Variants in ZFP64 observed in about 807,000 individuals in gnomAD.
ZFP64 encodes ZFP64 zinc finger protein, also known as zinc finger protein 64.
Under a neutral mutation model 51.6 loss-of-function variants are expected in ZFP64, and 14 were observed. The observed-to-expected ratio is 0.27, with a 90% confidence interval of 0.18 to 0.42. The LOEUF (loss-of-function observed/expected upper bound fraction) is 0.42. ZFP64 is among the 10% of genes least tolerant of loss of function. ZFP64 has a pLI of 1.00. For synonymous variants in ZFP64, 375 were observed against 361.4 expected (o/e 1.04, Z -0.43); for missense variants, 754 against 906.8 (o/e 0.83, Z 2.16).
chr20:52,134,028 C>CAAAA (rs59218544), intron 5 of ZFP64, among the ~76,000 whole-genome samples: 1 of 97,508 alleles, frequency 1.0e-5, no homozygotes, highest in Non-Finnish European at 2.0e-5. Flanking sequence ...GATCCTGTCT[C>CAAAA]AAAAAAAAAA....
At position 52,175,113 on chromosome 20, in the gene ZFP64, A is replaced by C. The variant is rs143933109; in HGVS notation, c.287-9088T>G. On this transcript the variant is annotated intron_variant, in intron 2 of 5. Coordinates refer to ENST00000216923, the MANE Select transcript of ZFP64 (RefSeq NM_018197.3). The stretch of plus-strand genomic sequence containing the variant: ...ATGCTTTTTGCAGATTAAGGATACT[A>C]TCTTTTGTTTTGTTTTGTTTTGTTT... 2.0e-5 allele frequency among the ~76,000 whole-genome samples: 3 copies of C among 151,808 alleles called. No individual in the cohort carries two copies. The East Asian group carries it at 5.8e-4, about 29-fold the overall frequency.
intron 5 of ZFP64, among the ~76,000 whole-genome samples, chr20:52,119,584 C>CACACACACATACAT: frequency 1.4e-5 from 2 of 145,760 alleles, no homozygotes; most frequent in Admixed American, 6.9e-5. Flanking sequence ...ACAACACACA[C>CACACACACATACAT]ACACACACAC....
At chr20:52,177,282 C>G (rs573376409) in intron 2 of ZFP64, among the ~76,000 whole-genome samples, 1 of 152,298 alleles carries the variant, frequency 6.6e-6, no homozygotes, top group African/African-American at 2.4e-5. Flanking sequence ...CATTTGAGAA[C>G]TGCCACTCTA....
At chr20:52,148,573 C>T (rs1008033424), downstream of ZFP64, among the ~76,000 whole-genome samples, 6 of 152,254 alleles carry the variant, frequency 3.9e-5, no homozygotes, top group African/African-American at 7.2e-5. Context: ...TGGTGGCACA[C>T]GCCTGTGATC....
chr20:52,096,494 G>A (rs2078989853), intron 7 of ZFP64, among the ~76,000 whole-genome samples: 1 of 152,370 alleles, frequency 6.6e-6, no homozygotes, highest in Admixed American at 6.5e-5. Flanking sequence ...CACTGAGACT[G>A]GTTTCTGAAA....
intron 5 of ZFP64, chr20:52,117,544 A>G (rs1465073579): frequency 2.4e-6 from 1 of 416,522 alleles, no homozygotes; most frequent in African/African-American, 2.1e-5. Flanking sequence ...ACTTGAACCC[A>G]GGAGGTGGAG....
chr20:52,162,411 G>A (rs1207445972), intron 4 of ZFP64, among the ~76,000 whole-genome samples: 1 of 151,904 alleles, frequency 6.6e-6, no homozygotes, highest in Non-Finnish European at 1.5e-5. Context: ...CGGATCATGA[G>A]GTCAGGAGAT....
At chr20:52,120,355 TG>T (rs1979119727) in intron 5 of ZFP64, among the ~76,000 whole-genome samples, 1 of 152,136 alleles carries the variant, frequency 6.6e-6, no homozygotes, top group East Asian at 1.9e-4. Context: ...AGGCCTGGTT[TG>T]GGAAGGTGCC....
At chr20:52,110,467 C>T in intron 5 of ZFP64, 1 of 667,528 alleles carries the variant, frequency 1.5e-6, no homozygotes, top group South Asian at 2.0e-5. Context: ...TCCATGTCAT[C>T]TCTATGCTGG....
At chr20:52,150,623 T>G (rs547688093), downstream of ZFP64, among the ~76,000 whole-genome samples, 3 of 152,158 alleles carry the variant, frequency 2.0e-5, no homozygotes, top group Non-Finnish European at 4.4e-5. Context: ...ATATAGCAAG[T>G]CATCAAAATT....
chr20:52,132,789 A>G (rs1979785020), intron 5 of ZFP64, among the ~76,000 whole-genome samples: 1 of 152,200 alleles, frequency 6.6e-6, no homozygotes, highest in Non-Finnish European at 1.5e-5. Context: ...TGAAAGAAGA[A>G]CTAATACCAA....
At chr20:52,124,922 A>G in intron 5 of ZFP64, among the ~76,000 whole-genome samples, 1 of 152,056 alleles carries the variant, frequency 6.6e-6, no homozygotes, top group Non-Finnish European at 1.5e-5. Context: ...TTTGCTTAAC[A>G]AAGTCTCACC....
rs747184276 is a variant in ZFP64 at position 52,152,584 on chromosome 20, C to T, written c.1608G>A (p.Gly536=). 3.9e-6 allele frequency: 6 copies of T among 1,552,910 alleles called. No individual in the cohort carries two copies. Among genetic ancestry groups the T allele is most frequent in the African/African-American group, 2.7e-5 (2 of 73,684 alleles). The part of the protein sequence containing the change: ...LVAQNPEELP[G]NSRLQILRQV... ...GGCGCAGGATCTGCAGCCGGCTGTT[C>T]CCTGGGAGTTCCTCTGGGTTCTGGG... Residue 536 remains glycine (G), a synonymous_variant, in exon 6 of 6, where the codon GGG becomes GGA. Coordinates refer to ENST00000216923, the MANE Select transcript of ZFP64 (RefSeq NM_018197.3).
intron 2 of ZFP64, among the ~76,000 whole-genome samples, chr20:52,178,010 C>T (rs574692883): frequency 3.4e-5 from 5 of 145,916 alleles, no homozygotes; most frequent in African/African-American, 1.0e-4. Flanking sequence ...CCAGCCTGGG[C>T]GCCAGAGCAA....
In ZFP64 at chr20:52,160,783, AC is replaced by A. The variant is rs2123002174; in HGVS notation, c.512-410del. Among the ~76,000 whole-genome samples, 1 of 152,364 alleles carries A rather than the reference AC, an allele frequency of 6.6e-6. No individual in the cohort carries two copies. The highest frequency in any genetic ancestry group is 2.1e-4 in the South Asian group (1 of 4,828). On this transcript the variant is annotated intron_variant, in intron 4 of 5. Coordinates refer to ENST00000216923, the MANE Select transcript of ZFP64 (RefSeq NM_018197.3). This position sits in a 1 kb window ranked among gnomAD's most constrained non-coding sequence, Gnocchi z 4.2. ...TAAGTTTCAGCAGAGTTCATGGCTC[AC>A]CAGGGAAAGATTACACTTCTCAGCC... is the stretch of plus-strand genomic sequence containing the variant.
At position 52,153,559 on chromosome 20, in the gene ZFP64, G is replaced by A; in HGVS notation, c.764-131C>T. ...GACCTCCTAACTGCAGCTTCTAGCAGCCCCTGGCAGTGGGGGAAGAGGGGC... is the reference window on the plus strand; with the variant it reads ...GACCTCCTAACTGCAGCTTCTAGCAACCCCTGGCAGTGGGGGAAGAGGGGC... On this transcript the variant is annotated intron_variant, in intron 5 of 5. Coordinates refer to ENST00000216923, the MANE Select transcript of ZFP64 (RefSeq NM_018197.3). The surrounding 1 kb of genome is among the most constrained non-coding windows in gnomAD (Gnocchi z 5.1). 4 of 1,351,882 alleles carry A rather than the reference G, an allele frequency of 3.0e-6. No individual in the cohort carries two copies. Among genetic ancestry groups the A allele is most frequent in the Non-Finnish European group, 3.9e-6 (4 of 1,027,242 alleles). The allele number at this position is 1,351,882 out of a possible 1,614,324, so 83.7% of individuals were successfully genotyped here.
At chr20:52,114,719 C>G (rs1411395307) in intron 5 of ZFP64, among the ~76,000 whole-genome samples, 2 of 152,150 alleles carry the variant, frequency 1.3e-5, no homozygotes, top group South Asian at 2.1e-4. Context: ...ATATGTCCTG[C>G]CAATCTATCA....
At chr20:52,112,641 ATCTT>A (rs1978653629) in intron 5 of ZFP64, among the ~76,000 whole-genome samples, 2 of 150,360 alleles carry the variant, frequency 1.3e-5, no homozygotes, top group African/African-American at 4.9e-5. Flanking sequence ...TTGGGACAGA[ATCTT>A]TCTCTGTTAC....
chr20:52,098,409 C>T lies in ZFP64; in HGVS notation c.913+29G>A, dbSNP rs144132726. ...TGCAGATCAGTGCTTGGCTCAGAAG[C>T]GGCTCAGCACGCAGGGTTTTACTCT... On this transcript the variant is annotated intron_variant, in intron 6 of 8. Coordinates refer to the ZFP64 transcript ENST00000361387. 5.5e-4 allele frequency: 878 copies of T among 1,610,574 alleles called. 4 individuals are homozygous for T. The African/African-American group carries it at 5.9e-3, about 11-fold the overall frequency.
Sources: allele counts gnomAD v4.1 joint callset (sites outside exome capture counted in the v4.1 genomes callset), GRCh38; gene constraint gnomAD v4.1.1; non-coding constraint Gnocchi (gnomAD v3.1); transcripts MANE v1.5; gene names NCBI Gene and HGNC (gene_info 2026-07-23, HGNC 2026-07-21).